UBXN7: variants seen among roughly 807,000 people sequenced by gnomAD.
UBXN7 encodes the protein UBX domain-containing protein 7.
A neutral mutation model predicts 58.0 loss-of-function variants in UBXN7; 9 were observed. That is an observed-to-expected ratio of 0.16 (90% CI 0.09 to 0.27). UBXN7 has a LOEUF of 0.27. Ranked by LOEUF, UBXN7 falls within the 10% of genes least tolerant of loss-of-function variation. UBXN7 has a pLI of 1.00. For missense variants in UBXN7, 328 were observed against 599.6 expected (o/e 0.55, Z 4.73); for synonymous variants, 208 against 205.0 (o/e 1.01, Z -0.12).
chr3:196,357,394 G>A (rs1384104122), intron 10 of UBXN7, among the ~76,000 whole-genome samples: 2 of 152,122 alleles, frequency 1.3e-5, no homozygotes, highest in Non-Finnish European at 2.9e-5. Flanking sequence ...CACAGCAAAC[G>A]GCCAGCAATG....
chr3:196,356,920 A>C, intron 10 of UBXN7, 74 bp from the exon 11 acceptor site: 1 of 1,508,100 alleles, frequency 6.6e-7, no homozygotes, highest in Non-Finnish European at 8.9e-7. Flanking sequence ...TTAAATAGAA[A>C]ACATTCTCTT....
intron 1 of UBXN7, among the ~76,000 whole-genome samples, chr3:196,418,987 C>T (rs1019099556): frequency 2.0e-5 from 3 of 152,198 alleles, no homozygotes; most frequent in Non-Finnish European, 2.9e-5. Flanking sequence ...AATCTGAGGT[C>T]GAGCGCGGTG....
intron 5 of UBXN7, among the ~76,000 whole-genome samples, chr3:196,377,805 G>A (rs1729079623): frequency 6.6e-6 from 1 of 151,858 alleles, no homozygotes; most frequent in Admixed American, 6.6e-5. Flanking sequence ...TAGCTGCTGG[G>A]GACCACAGGT....
At position 196,351,585 on chromosome 3, in the gene UBXN7, A is replaced by G. The variant is rs1728215882; in HGVS notation, c.*5100T>C. The G allele has an allele frequency of 6.6e-6, 1 of 152,250 alleles. No individual in the cohort carries two copies. The highest frequency in any genetic ancestry group is 6.5e-5 in the Admixed American group (1 of 15,282). 9.4% of individuals were successfully genotyped at this position (152,250 alleles called of 1,614,324 possible). ...ATCACGGGGAGAGACTGGAAGCATG[A>G]AATTTTGGAAAAGGACTTCAGAGAT... On this transcript the variant is annotated 3_prime_UTR_variant, in exon 11 of 11. Transcript: ENST00000296328.
intron 1 of UBXN7, among the ~76,000 whole-genome samples, chr3:196,409,602 C>G (rs756952475): frequency 3.3e-5 from 5 of 152,150 alleles, no homozygotes. Context: ...TTTAAATACA[C>G]TTCTGACTTG....
In UBXN7 at chr3:196,351,485, A is replaced by T. The variant is rs528823132; in HGVS notation, c.*5200T>A. 28 of 66,132 alleles carry T rather than the reference A, an allele frequency of 4.2e-4. No homozygotes were observed. Among genetic ancestry groups the T allele is most frequent in the African/African-American group, 1.1e-3 (25 of 23,252 alleles). The allele number at this position is 66,132 out of a possible 1,614,324, so 4.1% of individuals were successfully genotyped here. ...GTCAAATGATACCTGAACACAGAAT[A>T]AAAAAAAGAGAGAAAAAAAAAGTAA... On this transcript the variant is annotated 3_prime_UTR_variant, in exon 11 of 11. Coordinates refer to ENST00000296328, the MANE Select transcript of UBXN7 (RefSeq NM_015562.2).
Position 196,351,601 on chromosome 3 carries a change from C to G in UBXN7, c.*5084G>C, listed in dbSNP as rs1034233072. On this transcript the variant is annotated 3_prime_UTR_variant, in exon 11 of 11. Coordinates refer to ENST00000296328, the MANE Select transcript of UBXN7 (RefSeq NM_015562.2). Reference sequence around the variant, plus strand: ...GGAAGCATGAAATTTTGGAAAAGGACTTCAGAGATAATCTAATTTGTTGTT... The same window carrying G: ...GGAAGCATGAAATTTTGGAAAAGGAGTTCAGAGATAATCTAATTTGTTGTT... The G allele has an allele frequency of 6.6e-6, 1 of 152,132 alleles. No individual in the cohort carries two copies. The highest frequency in any genetic ancestry group is 2.4e-5 in the African/African-American group (1 of 41,420). 9.4% of individuals were successfully genotyped at this position (152,132 alleles called of 1,614,324 possible). A position where few individuals can be genotyped will look rare whatever the true frequency, so the allele number is the denominator to read the frequency against.
intron 3 of UBXN7, among the ~76,000 whole-genome samples, chr3:196,397,356 T>G (rs1281994363): frequency 6.6e-6 from 1 of 152,252 alleles, no homozygotes; most frequent in Non-Finnish European, 1.5e-5. Context: ...TGTTCGTATT[T>G]GGCTTCAGAG....
At position 196,369,431 on chromosome 3, in the gene UBXN7, G is replaced by A; in HGVS notation, c.696C>T (p.Asp232=). 6.2e-7 allele frequency: 1 copy of A among 1,612,028 alleles called. No homozygotes were observed. Among genetic ancestry groups the A allele is most frequent in the South Asian group, 1.1e-5 (1 of 90,906 alleles). ...TGATATAAATCTTACCTGTCCGTGG[G>A]TCCAATATGGAAACATAGGGGAAAT... is the stretch of plus-strand genomic sequence containing the variant. The part of the protein sequence containing the change: ...LGDFPYVSIL[D]PRTGQKLVEW... The change falls in exon 7 of 11, where the codon GAC becomes GAT. Residue 232 remains aspartate, a synonymous_variant. Coordinates refer to ENST00000296328, the MANE Select transcript of UBXN7 (RefSeq NM_015562.2).
At chr3:196,421,751 T>C (rs1038320573) in intron 1 of UBXN7, among the ~76,000 whole-genome samples, 4 of 150,914 alleles carry the variant, frequency 2.7e-5, no homozygotes, top group Non-Finnish European at 5.9e-5. Context: ...CACTCCACCC[T>C]GGCAACAAAG....
intron 1 of UBXN7, among the ~76,000 whole-genome samples, chr3:196,423,087 A>C (rs1203576867): frequency 6.6e-6 from 1 of 152,250 alleles, no homozygotes; most frequent in East Asian, 1.9e-4. Context: ...CAGCCCGCCA[A>C]GTCCTCGCCT....
intron 5 of UBXN7, among the ~76,000 whole-genome samples, chr3:196,373,828 G>T (rs1728913224): frequency 6.6e-6 from 1 of 152,152 alleles, no homozygotes; most frequent in East Asian, 1.9e-4. Flanking sequence ...AAAGTCTTGG[G>T]ATTACAGGTG....
intron 1 of UBXN7, among the ~76,000 whole-genome samples, chr3:196,415,036 C>A (rs1445837059): frequency 6.6e-6 from 1 of 152,054 alleles, no homozygotes; most frequent in Non-Finnish European, 1.5e-5. Context: ...ATTTGATAAA[C>A]AATTTCAAGA....
chr3:196,356,649 A>G lies in UBXN7; in HGVS notation c.*36T>C, dbSNP rs1326327478. 6.4e-7 allele frequency: 1 copy of G among 1,557,142 alleles called. No individual in the cohort carries two copies. Among genetic ancestry groups the G allele is most frequent in the African/African-American group, 1.4e-5 (1 of 71,632 alleles). ...GACATGTATCTCACAGGAAAAGGGA[A>G]AAAAGGGGTAAGCTGAGAGAGGTCA... On this transcript the variant is annotated 3_prime_UTR_variant, in exon 11 of 11. Coordinates refer to ENST00000296328, the MANE Select transcript of UBXN7 (RefSeq NM_015562.2).
chr3:196,393,653 T>C, intron 3 of UBXN7, 34 bp from the exon 4 acceptor site: 1 of 1,578,892 alleles, frequency 6.3e-7, no homozygotes, highest in Non-Finnish European at 8.6e-7. Context: ...GAAAATTTTT[T>C]AAATTAATTT....
intron 4 of UBXN7, among the ~76,000 whole-genome samples, chr3:196,392,340 A>T (rs1317811971): frequency 1.4e-5 from 2 of 144,852 alleles, no homozygotes; most frequent in East Asian, 3.9e-4. Context: ...CGTTTCAACT[A>T]AAAATACAAA....
At chr3:196,426,633 G>A (rs1031792885) in intron 1 of UBXN7, among the ~76,000 whole-genome samples, 3 of 152,090 alleles carry the variant, frequency 2.0e-5, no homozygotes, top group Admixed American at 1.3e-4. Flanking sequence ...AGGATCACCT[G>A]AGGTCGGGAG....
rs1044919917 is a variant in UBXN7, at chr3:196,355,688, G to GT, written c.*996dup. The GT allele has an allele frequency of 2.0e-5, 3 of 152,170 alleles. No homozygotes were observed. Among genetic ancestry groups the GT allele is most frequent in the Admixed American group, 2.0e-4 (3 of 15,280 alleles). 9.4% of individuals were successfully genotyped at this position (152,170 alleles called of 1,614,324 possible). A position where few individuals can be genotyped will look rare whatever the true frequency, so the allele number is the denominator to read the frequency against. On this transcript the variant is annotated 3_prime_UTR_variant, in exon 11 of 11. Coordinates refer to ENST00000296328, the MANE Select transcript of UBXN7 (RefSeq NM_015562.2). Reference sequence around the variant, plus strand: ...ATGGTTAGCAACTCTCAGCTGAATGGTTTTCTTTTTCCCCAGGGACATACC... The same window carrying GT: ...ATGGTTAGCAACTCTCAGCTGAATGGTTTTTCTTTTTCCCCAGGGACATACC...
chr3:196,415,459 C>T (rs1348734643), intron 1 of UBXN7, among the ~76,000 whole-genome samples: 3 of 143,906 alleles, frequency 2.1e-5, no homozygotes, highest in Non-Finnish European at 3.0e-5. Context: ...GCCATATTAT[C>T]ATACTTCTTG....
Sources: gnomAD v4.1 joint callset for allele counts (sites outside exome capture counted in the v4.1 genomes callset) on GRCh38, gnomAD v4.1.1 for gene constraint, MANE v1.5 for transcripts, NCBI Gene and HGNC (gene_info 2026-07-23, HGNC 2026-07-21) for gene names.